Variants in ST6GALNAC3 observed in about 807,000 individuals in gnomAD.
The protein encoded by ST6GALNAC3 is alpha-N-acetylgalactosaminide alpha-2,6-sialyltransferase 3.
In ST6GALNAC3, 25 loss-of-function variants were observed where a neutral mutation model predicts 32.7. The ratio of observed to expected loss-of-function variants is 0.76; its 90% CI spans 0.56 to 1.07. The LOEUF is 1.07. Among genes scored for constraint, ST6GALNAC3 ranks in the 50% least tolerant of loss-of-function variants. The pLI, the probability that ST6GALNAC3 is intolerant of heterozygous loss-of-function variation, is 0.00. For synonymous variants in ST6GALNAC3, 129 were observed against 133.1 expected (o/e 0.97, Z 0.21); for missense variants, 355 against 382.4 (o/e 0.93, Z 0.60).
chr1:76,136,520 GA>G (rs5775326), intron 1 of ST6GALNAC3, among the ~76,000 whole-genome samples: 36 of 149,634 alleles, frequency 2.4e-4, no homozygotes, highest in Middle Eastern at 3.5e-3. Context: ...TTTCACAGGA[GA>G]AAAAAAAAAT....
At chr1:76,432,008 C>A (rs1655791410) in intron 3 of ST6GALNAC3, among the ~76,000 whole-genome samples, 1 of 152,180 alleles carries the variant, frequency 6.6e-6, no homozygotes, top group Admixed American at 6.5e-5. Context: ...TCCCCTAACC[C>A]CTAACAACCA....
rs145382671 is a variant in ST6GALNAC3, at chr1:76,511,622, T to G, written c.623+99205T>G. On this transcript the variant is annotated intron_variant, in intron 3 of 4. Coordinates refer to ENST00000328299, the MANE Select transcript of ST6GALNAC3 (RefSeq NM_152996.4). ...CAGCCCTTGTGCAGTACCTGGCACA[T>G]AAAAGCCATTCAGCCAATGTTTGTT... Among the ~76,000 whole-genome samples the G allele has an allele frequency of 1.2e-3, 178 of 152,314 alleles. 1 individual carries two copies. The Middle Eastern group carries it at 0.017, about 15-fold the overall frequency.
At chr1:76,374,311 C>G (rs1398018078) in intron 2 of ST6GALNAC3, among the ~76,000 whole-genome samples, 1 of 152,166 alleles carries the variant, frequency 6.6e-6, no homozygotes, top group Non-Finnish European at 1.5e-5. Context: ...TGTACTCCGT[C>G]TAATTTGTTT....
At chr1:76,556,940 G>T (rs1664963721) in intron 3 of ST6GALNAC3, among the ~76,000 whole-genome samples, 1 of 151,818 alleles carries the variant, frequency 6.6e-6, no homozygotes, top group Non-Finnish European at 1.5e-5. Context: ...AAAAAGGCTT[G>T]CCTAATCCAA....
chr1:76,296,031 T>C (rs2100832747), intron 1 of ST6GALNAC3, among the ~76,000 whole-genome samples: 1 of 151,954 alleles, frequency 6.6e-6, no homozygotes, highest in South Asian at 2.1e-4. Flanking sequence ...TATGTGGGGG[T>C]GGTGTGTTCT....
intron 3 of ST6GALNAC3, among the ~76,000 whole-genome samples, chr1:76,425,111 A>G (rs1182488975): frequency 6.6e-6 from 1 of 152,010 alleles, no homozygotes; most frequent in African/African-American, 2.4e-5. Context: ...GGATGATGAG[A>G]GTTCTCAGCT....
At chr1:76,366,991 G>T (rs12075208) in intron 2 of ST6GALNAC3, among the ~76,000 whole-genome samples, 30,486 of 152,070 alleles carry the variant, frequency 0.2, 3,693 homozygotes, top group Admixed American at 0.32. Flanking sequence ...GACAGTGTGG[G>T]GCTCCAAGGC....
chr1:76,225,576 T>C (rs1467985132), intron 1 of ST6GALNAC3, among the ~76,000 whole-genome samples: 2 of 152,172 alleles, frequency 1.3e-5, no homozygotes, highest in Non-Finnish European at 1.5e-5. Context: ...TGTGTTACTG[T>C]TTATTCAGGA....
At chr1:76,165,236 T>C (rs1188702207) in intron 1 of ST6GALNAC3, among the ~76,000 whole-genome samples, 1 of 152,312 alleles carries the variant, frequency 6.6e-6, no homozygotes, top group East Asian at 1.9e-4. Flanking sequence ...GTTCTCATCA[T>C]TTAGCTCCTA....
chr1:76,545,046 G>T (rs559899709), intron 3 of ST6GALNAC3, among the ~76,000 whole-genome samples: 97 of 152,240 alleles, frequency 6.4e-4, no homozygotes, highest in Non-Finnish European at 1.1e-3. Flanking sequence ...AACAGCAGTG[G>T]CAAACCACTA....
chr1:76,397,694 A>C (rs1653082087), intron 2 of ST6GALNAC3, among the ~76,000 whole-genome samples: 1 of 151,818 alleles, frequency 6.6e-6, no homozygotes, highest in Admixed American at 6.6e-5. Flanking sequence ...TTTTTCTTAG[A>C]GCATTTGCAT....
At chr1:76,211,701 C>T (rs557674411) in intron 1 of ST6GALNAC3, among the ~76,000 whole-genome samples, 11 of 152,040 alleles carry the variant, frequency 7.2e-5, no homozygotes, top group South Asian at 2.1e-4. Context: ...TACCAAACAC[C>T]GCATGTTCTC....
intron 1 of ST6GALNAC3, among the ~76,000 whole-genome samples, chr1:76,246,342 A>G (rs949851170): frequency 1.3e-5 from 2 of 152,094 alleles, no homozygotes; most frequent in Non-Finnish European, 2.9e-5. Context: ...CAGCACACCA[A>G]TGGGTCTTGA....
chr1:76,236,043 T>G (rs1418665088), intron 1 of ST6GALNAC3, among the ~76,000 whole-genome samples: 4 of 152,034 alleles, frequency 2.6e-5, no homozygotes, highest in Non-Finnish European at 5.9e-5. Context: ...GGATGTGATC[T>G]CGGCTCACTG....
intron 1 of ST6GALNAC3, among the ~76,000 whole-genome samples, chr1:76,221,385 A>G (rs1655760150): frequency 6.6e-6 from 1 of 152,154 alleles, no homozygotes; most frequent in Non-Finnish European, 1.5e-5. Context: ...CAATTATTTA[A>G]TAACCTATAA....
intron 2 of ST6GALNAC3, among the ~76,000 whole-genome samples, chr1:76,320,012 T>C (rs1441954385): frequency 6.6e-6 from 1 of 152,204 alleles, no homozygotes; most frequent in Non-Finnish European, 1.5e-5. Context: ...AGTCTGGTTG[T>C]GAAATAGCAA....
chr1:76,611,933 A>T (rs909796664), intron 3 of ST6GALNAC3, among the ~76,000 whole-genome samples: 2 of 152,164 alleles, frequency 1.3e-5, no homozygotes, highest in African/African-American at 4.8e-5. Flanking sequence ...ATCAGACGAT[A>T]TTGATTTTGT....
At chr1:76,470,697 C>T (rs1159482497) in intron 3 of ST6GALNAC3, among the ~76,000 whole-genome samples, 1 of 152,056 alleles carries the variant, frequency 6.6e-6, no homozygotes, top group African/African-American at 2.4e-5. Context: ...AAACTCAAGG[C>T]TTGATCTCTT....
chr1:76,635,803 A>G (rs937878123), downstream of ST6GALNAC3, among the ~76,000 whole-genome samples: 2 of 152,090 alleles, frequency 1.3e-5, no homozygotes, highest in Non-Finnish European at 2.9e-5. Context: ...GGGAAAGAGC[A>G]AAAAGGATCT....
Sources: allele counts gnomAD v4.1 joint callset (sites outside exome capture counted in the v4.1 genomes callset), GRCh38; gene constraint gnomAD v4.1.1; transcripts MANE v1.5; gene names NCBI Gene and HGNC (gene_info 2026-07-23, HGNC 2026-07-21).